The following DAB1 variants were observed in gnomAD, a reference collection of about 807,000 sequenced individuals.
DAB1 encodes DAB adaptor protein 1, also known as disabled homolog 1.
Under a neutral mutation model 64.6 loss-of-function variants are expected in DAB1, and 15 were observed. The observed-to-expected ratio is 0.23, with a 90% confidence interval of 0.16 to 0.36. DAB1 has a LOEUF of 0.36. Ranked by LOEUF, DAB1 falls within the 10% of genes least tolerant of loss-of-function variation. The pLI is 1.00. For synonymous variants in DAB1, 235 were observed against 251.9 expected, an observed-to-expected ratio of 0.93 and a Z score of 0.64; for missense variants, 596 against 706.7, an observed-to-expected ratio of 0.84 and a Z score of 1.78.
chr1:58,433,117 A>G (rs756434010), intron 3 of DAB1, among the ~76,000 whole-genome samples: 8 of 150,658 alleles, frequency 5.3e-5, no homozygotes, highest in Middle Eastern at 3.4e-3. Context: ...CACCCCCCCT[A>G]TTTCGTTCTC....
intron 3 of DAB1, among the ~76,000 whole-genome samples, chr1:58,377,237 G>T (rs1569704054): frequency 1.3e-5 from 2 of 149,238 alleles, no homozygotes; most frequent in African/African-American, 5.0e-5. Context: ...GTTAGCTGGT[G>T]ATTTTGCTCG....
At chr1:57,066,101 C>G (rs1650884055) in intron 8 of DAB1, among the ~76,000 whole-genome samples, 1 of 151,966 alleles carries the variant, frequency 6.6e-6, no homozygotes. Context: ...GTAACATTTC[C>G]TGGAGACTCA....
At chr1:57,543,152 T>C (rs921391044) in intron 7 of DAB1, among the ~76,000 whole-genome samples, 11 of 152,202 alleles carry the variant, frequency 7.2e-5, no homozygotes, top group African/African-American at 2.7e-4. Flanking sequence ...CCCTCAGGAA[T>C]CGTGTGAAAT....
At position 57,146,702 on chromosome 1, in the gene DAB1, C is replaced by T. The variant is rs188028531; in HGVS notation, c.68-1273G>A. Among the ~76,000 whole-genome samples, 914 of 152,248 alleles carry T rather than the reference C, an allele frequency of 6.0e-3. 6 individuals carry two copies. Among genetic ancestry groups the T allele is most frequent in the South Asian group, 9.8e-3 (47 of 4,814 alleles). ...CCCTTACTGAGCATCTCCTCTGTAC[C>T]GGTGCTATTATTCACTGGCAACAGA... On this transcript the variant is annotated intron_variant, in intron 2 of 14. Transcript: ENST00000371236.
chr1:57,352,558 C>A (rs368358903), intron 1 of DAB1, among the ~76,000 whole-genome samples: 75 of 152,166 alleles, frequency 4.9e-4, no homozygotes, highest in African/African-American at 1.8e-3. Flanking sequence ...CACTCTATGG[C>A]ATAAGTACTA....
chr1:58,421,039 C>T (rs1305161467), intron 3 of DAB1, among the ~76,000 whole-genome samples: 3 of 152,200 alleles, frequency 2.0e-5, no homozygotes, highest in African/African-American at 7.2e-5. Context: ...GATGTTAACT[C>T]TTATTTCCAG....
At chr1:57,243,587 T>C (rs558000488) in intron 2 of DAB1, among the ~76,000 whole-genome samples, 18 of 152,304 alleles carry the variant, frequency 1.2e-4, no homozygotes, top group African/African-American at 4.3e-4. Flanking sequence ...TGTTCTTGCA[T>C]CCAACCCACT....
At chr1:58,093,350 G>T (rs1278179511) in intron 5 of DAB1, among the ~76,000 whole-genome samples, 3 of 152,148 alleles carry the variant, frequency 2.0e-5, no homozygotes, top group African/African-American at 7.2e-5. Context: ...CCAAGGCCAT[G>T]GATTAGTATT....
At chr1:57,902,852 A>G (rs1405605967) in intron 5 of DAB1, among the ~76,000 whole-genome samples, 1 of 152,176 alleles carries the variant, frequency 6.6e-6, no homozygotes, top group Non-Finnish European at 1.5e-5. Flanking sequence ...AACTTTTAAT[A>G]CAATAATGTA....
intron 6 of DAB1, among the ~76,000 whole-genome samples, chr1:57,750,707 C>T (rs1648508980): frequency 6.6e-6 from 1 of 152,180 alleles, no homozygotes; most frequent in Non-Finnish European, 1.5e-5. Context: ...CTAGATCTCT[C>T]AGATGTCTTA....
intron 1 of DAB1, among the ~76,000 whole-genome samples, chr1:57,362,859 C>A (rs1553172691): frequency 1.3e-5 from 2 of 152,104 alleles, no homozygotes; most frequent in Admixed American, 6.6e-5. Context: ...CATACAACAT[C>A]TTTTATTCTT....
intron 7 of DAB1, among the ~76,000 whole-genome samples, chr1:57,500,536 C>T (rs1436466983): frequency 6.6e-6 from 1 of 152,114 alleles, no homozygotes; most frequent in Admixed American, 6.5e-5. Context: ...TTTGTCATTG[C>T]TAACATGAAG....
chr1:57,841,950 C>A (rs1653070919), intron 1 of DAB1, among the ~76,000 whole-genome samples: 1 of 152,200 alleles, frequency 6.6e-6, no homozygotes, highest in Non-Finnish European at 1.5e-5. Flanking sequence ...TTCTTTTCTA[C>A]TGCATGGTCA....
chr1:58,232,739 T>A (rs895028313), intron 4 of DAB1, among the ~76,000 whole-genome samples: 47 of 152,040 alleles, frequency 3.1e-4, no homozygotes, highest in African/African-American at 1.1e-3. Flanking sequence ...GATTTGCTGA[T>A]AGAGAGTGAC....
chr1:57,204,916 A>G (rs1026403415), intron 2 of DAB1, among the ~76,000 whole-genome samples: 1 of 152,232 alleles, frequency 6.6e-6, no homozygotes, highest in Non-Finnish European at 1.5e-5. Flanking sequence ...TGAAATACCA[A>G]TAGCAATACT....
At chr1:58,343,544 G>C (rs1213650) in intron 3 of DAB1, 1 of 152,052 alleles carries the variant, frequency 6.6e-6, no homozygotes, top group African/African-American at 2.4e-5. Flanking sequence ...AACACAAATA[G>C]ATGGAAGAGT....
intron 2 of DAB1, among the ~76,000 whole-genome samples, chr1:57,162,207 A>C (rs1660822104): frequency 6.6e-6 from 1 of 152,202 alleles, no homozygotes; most frequent in South Asian, 2.1e-4. Flanking sequence ...TGGGCTCAAA[A>C]TAGACAAATG....
intron 2 of DAB1, among the ~76,000 whole-genome samples, chr1:58,523,823 T>G (rs1386985878): frequency 6.6e-6 from 1 of 151,922 alleles, no homozygotes; most frequent in African/African-American, 2.4e-5. Flanking sequence ...GGTGTGAAGC[T>G]GGGAGGCAGA....
chr1:57,510,527 A>G (rs1167250530), intron 7 of DAB1, among the ~76,000 whole-genome samples: 1 of 152,126 alleles, frequency 6.6e-6, no homozygotes, highest in African/African-American at 2.4e-5. Flanking sequence ...TTTCTTGCAC[A>G]GACCCCGAGC....
Sources: allele counts gnomAD v4.1 joint callset (sites outside exome capture counted in the v4.1 genomes callset), GRCh38; gene constraint gnomAD v4.1.1; transcripts MANE v1.5; gene names NCBI Gene and HGNC (gene_info 2026-07-23, HGNC 2026-07-21).